IL2RA: variants seen among roughly 807,000 people sequenced by gnomAD.
IL2RA encodes interleukin 2 receptor subunit alpha.
In IL2RA, 24 loss-of-function variants were observed where a neutral mutation model predicts 37.8. That is an observed-to-expected ratio of 0.63 (90% confidence interval 0.46 to 0.89). The LOEUF is 0.89. Among genes scored for constraint, IL2RA ranks in the 40% least tolerant of loss-of-function variants. The probability of loss-of-function intolerance (pLI) is 0.00; values close to 1 mark genes in which losing one functional copy is unlikely to be tolerated. For missense variants in IL2RA, 319 were observed against 348.6 expected, an observed-to-expected ratio of 0.92 and a Z score of 0.68; for synonymous variants, 125 against 114.6, an observed-to-expected ratio of 1.09 and a Z score of -0.58.
In IL2RA at chr10:6,018,127, T is replaced by C. The variant is rs201955877; in HGVS notation, c.728-8A>G. ...GGAAAACACAGCCGGCCACTGTCAA[T>C]AGAGAGAGGGAGTTCAGCAAAGGGC... On this transcript the variant is annotated splice_polypyrimidine_tract_variant and splice_region_variant and intron_variant, in intron 6 of 7. Coordinates refer to ENST00000379959, the MANE Select transcript of IL2RA (RefSeq NM_000417.3). This position sits in a 1 kb window ranked among gnomAD's most constrained non-coding sequence, Gnocchi z 5.1. 8.1e-6 allele frequency: 13 copies of C among 1,612,880 alleles called. No individual in the cohort carries two copies. The East Asian group carries it at 2.5e-4, about 30-fold the overall frequency.
Position 6,021,593 on chromosome 10 carries a change from G to A in IL2RA, c.468C>T (p.Tyr156=), listed in dbSNP as rs761314426. The stretch of plus-strand genomic sequence containing the variant: ...CAGCAGGACCTCTGTGTAGAGCCCT[G>A]TATCCCTGGACGCACTGATAATAAA... ...QMVYYQCVQG[Y]RALHRGPAES... is the part of the protein sequence containing the mutation. The change falls in exon 4 of 8, where the codon TAC becomes TAT. Residue 156 remains tyrosine (Y), a synonymous_variant. Coordinates refer to ENST00000379959, the MANE Select transcript of IL2RA (RefSeq NM_000417.3). The surrounding 1 kb of genome is among the most constrained non-coding windows in gnomAD (Gnocchi z 4.9). 5.6e-6 allele frequency: 9 copies of A among 1,613,930 alleles called. No homozygotes were observed. The highest frequency in any genetic ancestry group is 4.4e-5 in the South Asian group (4 of 91,070).
At chr10:6,019,762 G>T (rs1324057514) in intron 5 of IL2RA, 108 bp downstream of exon 5, 20 of 1,043,058 alleles carry the variant, frequency 1.9e-5, no homozygotes, top group Non-Finnish European at 3.0e-5. Flanking sequence ...GCTGCTGTGG[G>T]CTTCTCCCCT....
At chr10:6,060,350 G>A (rs950545905) in intron 1 of IL2RA, among the ~76,000 whole-genome samples, 3 of 151,988 alleles carry the variant, frequency 2.0e-5, no homozygotes, top group African/African-American at 7.3e-5. Flanking sequence ...ATCTTACAAC[G>A]CATTGGGTAC....
chr10:6,058,077 A>G lies in IL2RA; in HGVS notation c.64+4011T>C, dbSNP rs973353011. Among the ~76,000 whole-genome samples the G allele has an allele frequency of 1.3e-5, 2 of 152,176 alleles. No individual in the cohort carries two copies. Among genetic ancestry groups the G allele is most frequent in the Admixed American group, 6.5e-5 (1 of 15,282 alleles). On this transcript the variant is annotated intron_variant, in intron 1 of 7. Coordinates refer to ENST00000379959, the MANE Select transcript of IL2RA (RefSeq NM_000417.3). This position sits in a 1 kb window ranked among gnomAD's most constrained non-coding sequence, Gnocchi z 4.2. ...GGGAGGCAGAGGTTGCAGTGAGCCAATATCTCGCCACTGCACTCCAGCCTG... is the reference window on the plus strand; with the variant it reads ...GGGAGGCAGAGGTTGCAGTGAGCCAGTATCTCGCCACTGCACTCCAGCCTG...
At position 6,027,628 on chromosome 10, in the gene IL2RA, T is replaced by C. The variant is rs1839507112; in HGVS notation, c.65-1603A>G. Reference sequence around the variant, plus strand: ...AATTATTATTTTATTGATTTAATGATTATAGCAAATAATATACTAAGGTAA... The same window carrying C: ...AATTATTATTTTATTGATTTAATGACTATAGCAAATAATATACTAAGGTAA... On this transcript the variant is annotated intron_variant, in intron 1 of 7. Transcript: ENST00000379959. 2.0e-5 allele frequency among the ~76,000 whole-genome samples: 3 copies of C among 152,208 alleles called. No homozygotes were observed. In the South Asian group the frequency reaches 6.2e-4, roughly 32 times the overall value.
chr10:6,019,089 T>C (rs1839331070), intron 6 of IL2RA, among the ~76,000 whole-genome samples: 1 of 149,094 alleles, frequency 6.7e-6, no homozygotes, highest in Non-Finnish European at 1.5e-5. Context: ...CCTATCAACT[T>C]ATCAACCAAC....
intron 1 of IL2RA, among the ~76,000 whole-genome samples, chr10:6,038,763 G>A (rs1319542155): frequency 1.3e-5 from 2 of 152,212 alleles, no homozygotes; most frequent in Non-Finnish European, 2.9e-5. Context: ...TTGAGAGGAA[G>A]GCTATGATAT....
intron 1 of IL2RA, among the ~76,000 whole-genome samples, chr10:6,026,248 A>AT (rs1839481450): frequency 6.6e-6 from 1 of 152,236 alleles, no homozygotes; most frequent in African/African-American, 2.4e-5. Flanking sequence ...TCTCCAAAGC[A>AT]CAATGTATTT....
intron 5 of IL2RA, 76 bp from the exon 6 acceptor site, chr10:6,019,575 T>C: frequency 1.8e-6 from 2 of 1,122,546 alleles, no homozygotes; most frequent in East Asian, 2.3e-5. Flanking sequence ...GAAGTCAGGG[T>C]GTCTCTGTGA....
In IL2RA at chr10:6,035,168, T is replaced by A. The variant is rs1839660558; in HGVS notation, c.65-9143A>T. ...CCTGTCCACCCTGCCCAGCACCTAC[T>A]CCCACCAGGCAACTGAGTGGTATTT... On this transcript the variant is annotated intron_variant, in intron 1 of 7. Coordinates refer to ENST00000379959, the MANE Select transcript of IL2RA (RefSeq NM_000417.3). This position sits in a 1 kb window ranked among gnomAD's most constrained non-coding sequence, Gnocchi z 5.4. 6.6e-6 allele frequency among the ~76,000 whole-genome samples: 1 copy of A among 152,134 alleles called. No individual in the cohort carries two copies.
chr10:6,054,826 G>C lies in IL2RA; in HGVS notation c.64+7262C>G, dbSNP rs544617074. 3.9e-5 allele frequency among the ~76,000 whole-genome samples: 6 copies of C among 152,150 alleles called. 1 individual carries two copies. The highest frequency in any genetic ancestry group is 1.4e-4 in the African/African-American group (6 of 41,496). On this transcript the variant is annotated intron_variant, in intron 1 of 7. Transcript: ENST00000379959. The surrounding 1 kb of genome is among the most constrained non-coding windows in gnomAD (Gnocchi z 4.5). ...ATTTATGGCATTATTTGCAATGTTTGATCAATATTTGATCTTTCCCAGATT... is the reference window on the plus strand; with the variant it reads ...ATTTATGGCATTATTTGCAATGTTTCATCAATATTTGATCTTTCCCAGATT...
intron 1 of IL2RA, among the ~76,000 whole-genome samples, chr10:6,031,504 A>ATATATATATG (rs1839590187): frequency 1.4e-5 from 1 of 70,286 alleles, no homozygotes; most frequent in East Asian, 7.5e-4. Context: ...GTATATATAT[A>ATATATATATG]TATATATGTA....
At position 6,044,838 on chromosome 10, in the gene IL2RA, C is replaced by T. The variant is rs62626313; in HGVS notation, c.64+17250G>A. On this transcript the variant is annotated intron_variant, in intron 1 of 7. Coordinates refer to ENST00000379959, the MANE Select transcript of IL2RA (RefSeq NM_000417.3). The surrounding 1 kb of genome is among the most constrained non-coding windows in gnomAD (Gnocchi z 4.5). ...TCAGCACCCAAGAGCAGAGCACAAGCCTTGGGCCATGGTAGGTTCTGAATG... is the reference window on the plus strand; with the variant it reads ...TCAGCACCCAAGAGCAGAGCACAAGTCTTGGGCCATGGTAGGTTCTGAATG... Among the ~76,000 whole-genome samples, 3,222 of 152,302 alleles carry T rather than the reference C, an allele frequency of 0.021. 72 individuals carry two copies. The highest frequency in any genetic ancestry group is 0.11 in the South Asian group (511 of 4,830).
In IL2RA at chr10:6,021,546, T is replaced by A. The variant is rs1188501098; in HGVS notation, c.515A>T (p.His172Leu). Residue 172 changes from histidine to leucine, a missense_variant, in exon 4 of 8, where the codon CAC becomes CTC. By Grantham distance (99) the His-to-Leu change is moderately conservative. Transcript: ENST00000379959. This position sits in a 1 kb window ranked among gnomAD's most constrained non-coding sequence, Gnocchi z 4.9. ...GPAESVCKMT[H>L]GKTRWTQPQL... ...GGGCTGGGTCCACCTTGTCTTCCCG[T>A]GGGTCATTTTGCAGACGCTCTCAGC... 6.2e-7 allele frequency: 1 copy of A among 1,614,112 alleles called. No individual in the cohort carries two copies. Among genetic ancestry groups the A allele is most frequent in the Admixed American group, 1.7e-5 (1 of 60,006 alleles).
rs2132857309 is a variant in IL2RA, at chr10:6,024,368, A to G, written c.257-14T>C. ...TGTTCCGAGTGGCTAGAAAATATAG[A>G]TGGAATGATGCAGATAATTTCACAA... is the stretch of plus-strand genomic sequence containing the variant. On this transcript the variant is annotated splice_polypyrimidine_tract_variant and intron_variant, in intron 2 of 7. Coordinates refer to ENST00000379959, the MANE Select transcript of IL2RA (RefSeq NM_000417.3). The G allele has an allele frequency of 3.3e-6, 5 of 1,534,974 alleles. No homozygotes were observed. The highest frequency in any genetic ancestry group is 1.7e-4 in the Middle Eastern group (1 of 5,910).
rs1341475184 is a variant in IL2RA, at chr10:6,021,051, C to T, written c.583+427G>A. 2.6e-5 allele frequency among the ~76,000 whole-genome samples: 4 copies of T among 151,994 alleles called. No homozygotes were observed. Among genetic ancestry groups the T allele is most frequent in the Non-Finnish European group, 5.9e-5 (4 of 68,014 alleles). On this transcript the variant is annotated intron_variant, in intron 4 of 7. Coordinates refer to ENST00000379959, the MANE Select transcript of IL2RA (RefSeq NM_000417.3). This position sits in a 1 kb window ranked among gnomAD's most constrained non-coding sequence, Gnocchi z 4.9. ...GCACAAGGGGAAGGAACATGCTGAC[C>T]GTGGAGGGCTGTTCAGATCATGCAT... is the stretch of plus-strand genomic sequence containing the variant.
At position 6,046,046 on chromosome 10, in the gene IL2RA, C is replaced by G. The variant is rs1589307687; in HGVS notation, c.64+16042G>C. Among the ~76,000 whole-genome samples the G allele has an allele frequency of 2.0e-5, 3 of 152,330 alleles. No homozygotes were observed. In the South Asian group the frequency reaches 6.2e-4, roughly 32 times the overall value. On this transcript the variant is annotated intron_variant, in intron 1 of 7. Transcript: ENST00000379959. The surrounding 1 kb of genome is among the most constrained non-coding windows in gnomAD (Gnocchi z 4.8). ...ACCAAGCCCACGTGTCCAGAACCCT[C>G]TCCAGAGCTCTCCTCAGGGGTTCCC... is the stretch of plus-strand genomic sequence containing the variant.
At position 6,048,648 on chromosome 10, in the gene IL2RA, T is replaced by A. The variant is rs1473987200; in HGVS notation, c.64+13440A>T. ...GGTTAAAACCCTACCCTCATGGACT[T>A]CCATGGAGGTTACTCAATGCCCTAT... On this transcript the variant is annotated intron_variant, in intron 1 of 7. Coordinates refer to ENST00000379959, the MANE Select transcript of IL2RA (RefSeq NM_000417.3). The surrounding 1 kb of genome is among the most constrained non-coding windows in gnomAD (Gnocchi z 5.3). 6.6e-6 allele frequency among the ~76,000 whole-genome samples: 1 copy of A among 152,246 alleles called. No individual in the cohort carries two copies. Among genetic ancestry groups the A allele is most frequent in the Non-Finnish European group, 1.5e-5 (1 of 68,034 alleles).
rs1839369625 is a variant in IL2RA, at chr10:6,020,668, G to A, written c.584-727C>T. On this transcript the variant is annotated intron_variant, in intron 4 of 7. Coordinates refer to ENST00000379959, the MANE Select transcript of IL2RA (RefSeq NM_000417.3). The surrounding 1 kb of genome is among the most constrained non-coding windows in gnomAD (Gnocchi z 5.6). ...CTGCCTCAGCCTCCCAAGTAGCTGG[G>A]ATTACAGGCACCCACCACCACGCCC... Among the ~76,000 whole-genome samples the A allele has an allele frequency of 6.6e-6, 1 of 152,138 alleles. No individual in the cohort carries two copies. The highest frequency in any genetic ancestry group is 1.5e-5 in the Non-Finnish European group (1 of 68,038).
Sources: allele counts gnomAD v4.1 joint callset (sites outside exome capture counted in the v4.1 genomes callset), GRCh38; gene constraint gnomAD v4.1.1; non-coding constraint Gnocchi (gnomAD v3.1); transcripts MANE v1.5; gene names NCBI Gene and HGNC (gene_info 2026-07-23, HGNC 2026-07-21).